The following SUMF1 variants were observed in gnomAD, a reference collection of about 807,000 sequenced individuals.
SUMF1 encodes the protein formylglycine-generating enzyme.
SUMF1 carries 48 observed loss-of-function variants against 47.6 expected under a neutral mutation model. The observed-to-expected ratio is 1.01, with a 90% CI of 0.80 to 1.28. SUMF1 has a LOEUF of 1.28. Among genes scored for constraint, SUMF1 ranks in the 50% most tolerant of loss-of-function variants. The pLI, the probability that SUMF1 is intolerant of heterozygous loss-of-function variation, is 0.00. For missense variants in SUMF1, 571 were observed against 485.4 expected (o/e 1.18, Z -1.66); for synonymous variants, 230 against 192.1 (o/e 1.20, Z -1.63).
intron 8 of SUMF1, among the ~76,000 whole-genome samples, chr3:4,270,934 C>T (rs947589123): frequency 1.3e-5 from 2 of 152,140 alleles, no homozygotes; most frequent in African/African-American, 4.8e-5. Context: ...GGAAACTGGT[C>T]AATTAGCTCT....
intron 8 of SUMF1, among the ~76,000 whole-genome samples, chr3:4,246,255 C>T (rs1208206801): frequency 2.0e-5 from 3 of 151,880 alleles, no homozygotes; most frequent in South Asian, 2.1e-4. Flanking sequence ...GCTCACCCTC[C>T]GTGGGCTGCA....
chr3:4,174,752 C>A (rs971099130), intron 8 of SUMF1, among the ~76,000 whole-genome samples: 3 of 152,146 alleles, frequency 2.0e-5, no homozygotes, highest in African/African-American at 7.2e-5. Context: ...CCAGGAAGCA[C>A]AAGGGGTCAG....
At position 4,453,706 on chromosome 3, in the gene SUMF1, G is replaced by C. The variant is rs373960629; in HGVS notation, c.271-657C>G. Among the ~76,000 whole-genome samples the C allele has an allele frequency of 1.8e-3, 278 of 152,040 alleles. 1 individual carries two copies. Among genetic ancestry groups the C allele is most frequent in the African/African-American group, 6.4e-3 (266 of 41,476 alleles). ...CCACCACCATGCCCGGCTAATTTTT[G>C]TATTTTTAGCAGAGACAGGTTTTCA... On this transcript the variant is annotated intron_variant, in intron 1 of 8. Transcript: ENST00000272902.
chr3:4,415,565 C>T (rs1184355086), intron 6 of SUMF1, among the ~76,000 whole-genome samples: 2 of 152,300 alleles, frequency 1.3e-5, no homozygotes, highest in East Asian at 3.9e-4. Context: ...ATAATCCCAA[C>T]ACTTTGGGAG....
intron 8 of SUMF1, among the ~76,000 whole-genome samples, chr3:4,238,854 C>T (rs1242769088): frequency 6.6e-6 from 1 of 152,140 alleles, no homozygotes; most frequent in Non-Finnish European, 1.5e-5. Flanking sequence ...TTGCCCATGC[C>T]TATGTCCTGA....
intron 8 of SUMF1, among the ~76,000 whole-genome samples, chr3:4,162,759 G>A (rs1280576721): frequency 6.6e-6 from 1 of 152,136 alleles, no homozygotes; most frequent in Non-Finnish European, 1.5e-5. Flanking sequence ...GTGATATGAA[G>A]TTAAAACCAG....
chr3:4,407,762 T>C (rs1444859646), intron 7 of SUMF1, among the ~76,000 whole-genome samples: 1 of 152,224 alleles, frequency 6.6e-6, no homozygotes, highest in Non-Finnish European at 1.5e-5. Context: ...TAGAGATCTA[T>C]TGCCTCAAAT....
intron 9 of SUMF1, among the ~76,000 whole-genome samples, chr3:4,039,209 A>ATTTTTTTTTTTTTTT (rs775459424): frequency 2.5e-5 from 1 of 39,472 alleles, no homozygotes; most frequent in African/African-American, 7.5e-5. Context: ...ATCTATGCAA[A>ATTTTTTTTTTTTTTT]TTTTTTTTTT....
chr3:4,121,269 G>A (rs761902222), intron 8 of SUMF1, among the ~76,000 whole-genome samples: 3 of 152,158 alleles, frequency 2.0e-5, no homozygotes, highest in Non-Finnish European at 2.9e-5. Flanking sequence ...AAACAACTGA[G>A]TCCAAAATGA....
rs5846319 is a variant in SUMF1, at chr3:4,335,960, C to CAAAAAAAACAAAAAA, written c.1014+40369_1014+40370insTTTTTTGTTTTTTTT. Among the ~76,000 whole-genome samples, 517 of 73,852 alleles carry CAAAAAAAACAAAAAA rather than the reference C, an allele frequency of 7.0e-3. 54 individuals carry two copies. The highest frequency in any genetic ancestry group is 0.035 in the African/African-American group (493 of 14,062). The allele number at this position is 73,852 out of a possible 152,430, so 48.4% of individuals were successfully genotyped here. On this transcript the variant is annotated intron_variant and NMD_transcript_variant, in intron 8 of 12. Coordinates refer to the SUMF1 transcript ENST00000448413. ...TGGACAACTGAGTGAGATTCCAACTCAAAAAAAAAAAAAAAAAAAACAGAA... is the reference window on the plus strand; with the variant it reads ...TGGACAACTGAGTGAGATTCCAACTCAAAAAAAACAAAAAAAAAAAAAAAAAAAAAAAAAACAGAA...
At chr3:4,074,935 T>C (rs1487208680) in intron 8 of SUMF1, among the ~76,000 whole-genome samples, 4 of 152,096 alleles carry the variant, frequency 2.6e-5, no homozygotes, top group South Asian at 2.1e-4. Context: ...GCAGATACCA[T>C]TCCTTCTGAA....
chr3:4,214,164 A>C (rs536161737), intron 8 of SUMF1, among the ~76,000 whole-genome samples: 1 of 152,230 alleles, frequency 6.6e-6, no homozygotes, highest in South Asian at 2.1e-4. Flanking sequence ...TGGAAGGAAA[A>C]CACTCCTCAG....
At chr3:4,288,275 A>G (rs1309099440) in intron 8 of SUMF1, among the ~76,000 whole-genome samples, 1 of 152,222 alleles carries the variant, frequency 6.6e-6, no homozygotes, top group Non-Finnish European at 1.5e-5. Flanking sequence ...CTATGCATGG[A>G]CAGAATCTCC....
At chr3:4,253,909 G>C (rs1405013831) in intron 8 of SUMF1, among the ~76,000 whole-genome samples, 1 of 150,058 alleles carries the variant, frequency 6.7e-6, no homozygotes, top group South Asian at 2.2e-4. Flanking sequence ...CACGCAGCTG[G>C]AGATCTGAGA....
At chr3:4,057,830 CAAG>C (rs1052441171) in intron 9 of SUMF1, among the ~76,000 whole-genome samples, 5 of 151,982 alleles carry the variant, frequency 3.3e-5, no homozygotes, top group African/African-American at 1.2e-4. Context: ...ACAGAGGTTC[CAAG>C]AAGTTAACTT....
chr3:4,282,006 A>T (rs1236011039), intron 8 of SUMF1, among the ~76,000 whole-genome samples: 1 of 152,246 alleles, frequency 6.6e-6, no homozygotes, highest in Non-Finnish European at 1.5e-5. Context: ...AGCTGGCTTA[A>T]GTCTTTTGGT....
chr3:4,451,341 C>A (rs1702960450), intron 2 of SUMF1, among the ~76,000 whole-genome samples: 1 of 152,162 alleles, frequency 6.6e-6, no homozygotes, highest in Non-Finnish European at 1.5e-5. Flanking sequence ...GGTACTGCTA[C>A]TACTGCTGTG....
chr3:4,064,264 T>C (rs1458870490), intron 9 of SUMF1, among the ~76,000 whole-genome samples: 1 of 152,148 alleles, frequency 6.6e-6, no homozygotes, highest in Admixed American at 6.6e-5. Flanking sequence ...GGCAATGAAG[T>C]GACCACTGAT....
chr3:4,316,106 A>G, intron 8 of SUMF1: 1 of 518,548 alleles, frequency 1.9e-6, no homozygotes, highest in Non-Finnish European at 3.5e-6. Context: ...GGTATTTGAT[A>G]TTGGAATACA....
Sources: allele counts gnomAD v4.1 joint callset (sites outside exome capture counted in the v4.1 genomes callset), GRCh38; gene constraint gnomAD v4.1.1; transcripts MANE v1.5; gene names NCBI Gene and HGNC (gene_info 2026-07-23, HGNC 2026-07-21).